The following TRMT9B variants were observed in gnomAD, a reference collection of about 807,000 sequenced individuals.
The protein encoded by TRMT9B is probable tRNA methyltransferase 9B.
A neutral mutation model predicts 11.5 loss-of-function variants in TRMT9B; 16 were observed. The ratio of observed to expected loss-of-function variants is 1.39; its 90% confidence interval spans 0.94 to 2.11. The LOEUF (loss-of-function observed/expected upper bound fraction) is 2.11. TRMT9B is among the 30% of genes most tolerant of loss of function. The pLI, the probability that TRMT9B is intolerant of heterozygous loss-of-function variation, is 0.00. For missense variants in TRMT9B, 941 were observed against 553.8 expected (o/e 1.70, Z -7.02); for synonymous variants, 274 against 192.4 (o/e 1.42, Z -3.51).
chr8:12,973,819 A>G (rs544970766), intron 1 of TRMT9B, among the ~76,000 whole-genome samples: 85 of 152,276 alleles, frequency 5.6e-4, no homozygotes, highest in African/African-American at 2.0e-3. Flanking sequence ...TTTAGTTCCC[A>G]CCGTGCCCAG....
rs999782123 is a variant in TRMT9B at position 13,023,116 on chromosome 8, A to G, written c.*1072A>G. 6.0e-6 allele frequency: 1 copy of G among 167,234 alleles called. No individual in the cohort carries two copies. Among genetic ancestry groups the G allele is most frequent in the South Asian group, 2.1e-4 (1 of 4,828 alleles). 10.4% of individuals were successfully genotyped at this position (167,234 alleles called of 1,614,324 possible). On this transcript the variant is annotated 3_prime_UTR_variant, in exon 5 of 5. Transcript: ENST00000524591. ...TTAGAAGCATGAATATTCAAGATTGATATTACTATTGCTTATTAGCAAGAT... is the reference window on the plus strand; with the variant it reads ...TTAGAAGCATGAATATTCAAGATTGGTATTACTATTGCTTATTAGCAAGAT...
At chr8:12,967,554 T>G (rs1802991867) in intron 1 of TRMT9B, among the ~76,000 whole-genome samples, 1 of 152,210 alleles carries the variant, frequency 6.6e-6, no homozygotes, top group South Asian at 2.1e-4. Context: ...CCTCTTCAAT[T>G]AGATTGTTTT....
chr8:12,972,662 C>T (rs1220484830), intron 1 of TRMT9B, among the ~76,000 whole-genome samples: 1 of 151,994 alleles, frequency 6.6e-6, no homozygotes, highest in African/African-American at 2.4e-5. Context: ...CCACACAAAG[C>T]GGTGTGTAGG....
chr8:13,012,749 G>C lies in TRMT9B; in HGVS notation c.220G>C (p.Gly74Arg), dbSNP rs752365051. ...QVHTVGCDYCGPLVEIARNRG... is the reference protein window; with the variant it reads ...QVHTVGCDYCRPLVEIARNRG... Reference sequence around the variant, plus strand: ...ACATACCGTGGGCTGTGACTACTGTGGGCCACTGGTAGAGATTGCCCGGAA... The same window carrying C: ...ACATACCGTGGGCTGTGACTACTGTCGGCCACTGGTAGAGATTGCCCGGAA... Residue 74 changes from glycine to arginine, a missense_variant, in exon 4 of 5, where the codon GGG becomes CGG. Coordinates refer to ENST00000524591, the MANE Select transcript of TRMT9B (RefSeq NM_020844.3). 1.2e-6 allele frequency: 2 copies of C among 1,613,978 alleles called. No individual in the cohort carries two copies. Among genetic ancestry groups the C allele is most frequent in the Non-Finnish European group, 8.5e-7 (1 of 1,179,886 alleles).
intron 1 of TRMT9B, among the ~76,000 whole-genome samples, chr8:12,954,702 A>T (rs1563304507): frequency 6.6e-6 from 1 of 152,344 alleles, no homozygotes; most frequent in East Asian, 1.9e-4. Flanking sequence ...TGGCCATTTA[A>T]ATGTCCTTCA....
intron 2 of TRMT9B, 40 bp from the exon 3 acceptor site, chr8:13,006,162 G>C: frequency 3.1e-6 from 5 of 1,605,058 alleles, no homozygotes; most frequent in Non-Finnish European, 2.6e-6. Flanking sequence ...ATGGTGCATA[G>C]GCTGACCTGC....
intron 1 of TRMT9B, chr8:12,951,553 C>CG (rs1463154979): frequency 6.6e-6 from 1 of 152,182 alleles, no homozygotes; most frequent in Non-Finnish European, 1.5e-5. Flanking sequence ...CGGGCACGTT[C>CG]GGGCGGGGCG....
chr8:12,953,533 G>A (rs1419035013), intron 1 of TRMT9B, among the ~76,000 whole-genome samples: 5 of 152,060 alleles, frequency 3.3e-5, no homozygotes, highest in Non-Finnish European at 7.4e-5. Context: ...TGTGTTTTTA[G>A]TAGAGAGGGG....
At position 13,028,005 on chromosome 8, in the gene TRMT9B, T is replaced by C. The variant is rs1287057427; in HGVS notation, c.*5961T>C. On this transcript the variant is annotated 3_prime_UTR_variant, in exon 5 of 5. Transcript: ENST00000524591. The stretch of plus-strand genomic sequence containing the variant: ...TCACCAAACAAGGATTGAAATTGTA[T>C]TGCAAATGAAAGAGCTCAGCATGAG... The C allele has an allele frequency of 1.2e-5, 2 of 166,974 alleles. No homozygotes were observed. Among genetic ancestry groups the C allele is most frequent in the Non-Finnish European group, 2.9e-5 (2 of 68,114 alleles). The allele number at this position is 166,974 out of a possible 1,614,324, so 10.3% of individuals were successfully genotyped here.
chr8:12,992,677 AC>A (rs1807575736), intron 2 of TRMT9B, among the ~76,000 whole-genome samples: 1 of 151,054 alleles, frequency 6.6e-6, no homozygotes, highest in African/African-American at 2.4e-5. Context: ...CATGGTGAAA[AC>A]CCATCTCTAC....
Position 13,021,854 on chromosome 8 carries a change from C to T in TRMT9B, c.1175C>T (p.Thr392Ile), listed in dbSNP as rs1412087684. 2.5e-6 allele frequency: 4 copies of T among 1,613,720 alleles called. No homozygotes were observed. The highest frequency in any genetic ancestry group is 2.2e-5 in the East Asian group (1 of 44,866). ...TCCACAGATTTCAACCCAGATGATA[C>T]AATGTCTGTCGAAGATCCACAGACT... ...VDSTDFNPDD[T>I]MSVEDPQTDV... The change falls in exon 5 of 5, where the codon ACA becomes ATA. Residue 392 changes from threonine (T) to isoleucine (I), a missense_variant. Thr to Ile is a moderately conservative substitution (Grantham distance 89). Transcript: ENST00000524591.
rs1283467744 is a variant in TRMT9B, at chr8:12,945,850, T to C, written c.-316T>C. ...TCCTTCAACTTATTCAGTACTTCCA[T>C]GTGCAGGGCTCTGGACTAGACTTTC... On this transcript the variant is annotated 5_prime_UTR_variant, in exon 1 of 5. It removes an upstream start codon present in the reference 5' UTR. Transcript: ENST00000524591. 1.3e-5 allele frequency: 2 copies of C among 152,196 alleles called. No individual in the cohort carries two copies. The highest frequency in any genetic ancestry group is 2.9e-5 in the Non-Finnish European group (2 of 68,032). 9.4% of individuals were successfully genotyped at this position (152,196 alleles called of 1,614,324 possible).
chr8:12,996,607 C>T (rs377679556), intron 2 of TRMT9B, among the ~76,000 whole-genome samples: 8 of 152,276 alleles, frequency 5.3e-5, no homozygotes, highest in Non-Finnish European at 1.2e-4. Context: ...ATGGGAATGG[C>T]AGAACACAGA....
rs1356015577 is a variant in TRMT9B at position 13,027,832 on chromosome 8, C to T, written c.*5788C>T. ...CAAGAAGCATTAACAGACCCTCCAC[C>T]AACCGTAATGCTTAACTCCTCTTGT... On this transcript the variant is annotated 3_prime_UTR_variant, in exon 5 of 5. Transcript: ENST00000524591. The T allele has an allele frequency of 4.2e-5, 7 of 167,078 alleles. No homozygotes were observed. Among genetic ancestry groups the T allele is most frequent in the Admixed American group, 3.9e-4 (6 of 15,284 alleles). The allele number at this position is 167,078 out of a possible 1,614,324, so 10.3% of individuals were successfully genotyped here. A position where few individuals can be genotyped will look rare whatever the true frequency, so the allele number is the denominator to read the frequency against.
Position 12,961,055 on chromosome 8 carries a change from C to T in TRMT9B, c.-200+15089C>T, listed in dbSNP as rs1029057151. Among the ~76,000 whole-genome samples the T allele has an allele frequency of 4.6e-5, 7 of 151,948 alleles. No individual in the cohort carries two copies. The East Asian group carries it at 5.8e-4, about 13-fold the overall frequency. On this transcript the variant is annotated intron_variant, in intron 1 of 4. Transcript: ENST00000524591. ...ACTCGGGAGGCTGAGGCAGGAGAATCGCTTGAACCCGGGAAGTGGAGGTTG... is the reference window on the plus strand; with the variant it reads ...ACTCGGGAGGCTGAGGCAGGAGAATTGCTTGAACCCGGGAAGTGGAGGTTG...
At chr8:13,018,111 A>AG (rs1194350078) in intron 4 of TRMT9B, among the ~76,000 whole-genome samples, 1 of 150,986 alleles carries the variant, frequency 6.6e-6, no homozygotes, top group Non-Finnish European at 1.5e-5. Flanking sequence ...AAAAAAAAAA[A>AG]AAAAACTTGG....
At chr8:13,012,274 G>C (rs1811759831) in intron 3 of TRMT9B, 4 of 983,170 alleles carry the variant, frequency 4.1e-6, no homozygotes, top group Non-Finnish European at 3.6e-6. Flanking sequence ...GTCTTGGTTA[G>C]TTAAAAAAAA....
rs1221178830 is a variant in TRMT9B, at chr8:13,025,003, G to A, written c.*2959G>A. The A allele has an allele frequency of 6.0e-6, 1 of 167,032 alleles. No homozygotes were observed. Among genetic ancestry groups the A allele is most frequent in the Non-Finnish European group, 1.5e-5 (1 of 68,112 alleles). The allele number at this position is 167,032 out of a possible 1,614,324, so 10.3% of individuals were successfully genotyped here. ...GAAAGGAAACACAGGTCATCAGTGA[G>A]TATAAACGTAGACAGTTGATTTGTG... On this transcript the variant is annotated 3_prime_UTR_variant, in exon 5 of 5. Coordinates refer to ENST00000524591, the MANE Select transcript of TRMT9B (RefSeq NM_020844.3).
intron 2 of TRMT9B, among the ~76,000 whole-genome samples, chr8:13,002,484 C>A (rs1809628081): frequency 1.3e-5 from 2 of 152,170 alleles, no homozygotes; most frequent in Admixed American, 1.3e-4. Flanking sequence ...GAAGGTGCAA[C>A]ATAAGCTGTT....
Sources: gnomAD v4.1 joint callset for allele counts (sites outside exome capture counted in the v4.1 genomes callset) on GRCh38, gnomAD v4.1.1 for gene constraint, MANE v1.5 for transcripts, NCBI Gene and HGNC (gene_info 2026-07-23, HGNC 2026-07-21) for gene names.